Variants in ACAN observed in about 807,000 individuals in gnomAD.
ACAN encodes the protein aggrecan.
A neutral mutation model predicts 169.1 loss-of-function variants in ACAN; 47 were observed. The observed-to-expected ratio is 0.28, with a 90% CI of 0.22 to 0.35. The LOEUF is 0.35. Ranked by LOEUF, ACAN falls within the 10% of genes least tolerant of loss-of-function variation. ACAN has a pLI of 1.00. For synonymous variants in ACAN, 1,115 were observed against 1,112.2 expected (o/e 1.00, Z -0.05); for missense variants, 2,716 against 2,759.9 (o/e 0.98, Z 0.36).
At position 88,873,618 on chromosome 15, in the gene ACAN, C is replaced by A; in HGVS notation, c.7448-224C>A. On this transcript the variant is annotated intron_variant, in intron 17 of 18. Transcript: ENST00000560601. The surrounding 1 kb of genome is among the most constrained non-coding windows in gnomAD (Gnocchi z 7.5). ...CCTCCCTTTCATCTTCTCTTCATCC[C>A]TTTAAAGACCACCCCGTTTGTATTC... 1.7e-6 allele frequency: 1 copy of A among 577,366 alleles called. No homozygotes were observed. Among genetic ancestry groups the A allele is most frequent in the Non-Finnish European group, 3.1e-6 (1 of 324,920 alleles). 35.8% of individuals were successfully genotyped at this position (577,366 alleles called of 1,614,324 possible).
At chr15:88,825,346 T>A (rs529112917) in intron 1 of ACAN, among the ~76,000 whole-genome samples, 5 of 152,180 alleles carry the variant, frequency 3.3e-5, no homozygotes, top group Non-Finnish European at 4.4e-5. Flanking sequence ...TCCAAGTAAG[T>A]TGCCACAAGG....
intron 4 of ACAN, among the ~76,000 whole-genome samples, chr15:88,841,055 G>A (rs1393960848): frequency 6.6e-6 from 1 of 152,248 alleles, no homozygotes; most frequent in Non-Finnish European, 1.5e-5. Context: ...TGAGGCAGGA[G>A]AATGGCGTGA....
At chr15:88,821,595 G>C (rs755119162) in intron 1 of ACAN, among the ~76,000 whole-genome samples, 1 of 152,214 alleles carries the variant, frequency 6.6e-6, no homozygotes, top group Non-Finnish European at 1.5e-5. Context: ...GAGGAGGAAA[G>C]GCAAGAAGTG....
chr15:88,847,279 A>G lies in ACAN; in HGVS notation c.1466A>G (p.Tyr489Cys), dbSNP rs1168184102. 4.5e-6 allele frequency: 7 copies of G among 1,567,072 alleles called. No individual in the cohort carries two copies. Among genetic ancestry groups the G allele is most frequent in the African/African-American group, 1.4e-5 (1 of 73,864 alleles). The change falls in exon 8 of 19, where the codon TAC becomes TGC. Residue 489 changes from tyrosine (Y) to cysteine (C), a missense_variant. By Grantham distance (194) the Tyr-to-Cys change is radical. Transcript: ENST00000560601. Reference protein sequence around the residue: ...VFHYRPGPTRYSLTFEEAQQA... With the variant: ...VFHYRPGPTRCSLTFEEAQQA... ...CACTACCGCCCGGGACCCACCCGCT[A>G]CTCGCTGACCTTTGAGGAGGCACAG... is the stretch of plus-strand genomic sequence containing the variant.
rs1896549340 is a variant in ACAN, at chr15:88,838,003, T to A, written c.71-660T>A. On this transcript the variant is annotated intron_variant, in intron 2 of 18. Transcript: ENST00000560601. This position sits in a 1 kb window ranked among gnomAD's most constrained non-coding sequence, Gnocchi z 5.1. ...TGTTGCACCTCCTCTATTGACACTC[T>A]CCATTATATTAACATGTTTGGAGTC... Among the ~76,000 whole-genome samples, 1 of 150,882 alleles carries A rather than the reference T, an allele frequency of 6.6e-6. No individual in the cohort carries two copies. Among genetic ancestry groups the A allele is most frequent in the Non-Finnish European group, 1.5e-5 (1 of 67,824 alleles).
At chr15:88,854,174 A>G (rs1896996085) in intron 11 of ACAN, among the ~76,000 whole-genome samples, 1 of 152,236 alleles carries the variant, frequency 6.6e-6, no homozygotes, top group South Asian at 2.1e-4. Context: ...TATGTTTACA[A>G]ACATCACCAC....
Position 88,868,650 on chromosome 15 carries a change from G to A in ACAN, c.7060+321G>A, listed in dbSNP as rs1897319575. Among the ~76,000 whole-genome samples the A allele has an allele frequency of 6.6e-6, 1 of 152,218 alleles. No homozygotes were observed. Among genetic ancestry groups the A allele is most frequent in the South Asian group, 2.1e-4 (1 of 4,832 alleles). On this transcript the variant is annotated intron_variant, in intron 14 of 18. Coordinates refer to ENST00000560601, the MANE Select transcript of ACAN (RefSeq NM_001369268.1). The surrounding 1 kb of genome is among the most constrained non-coding windows in gnomAD (Gnocchi z 5.2). Reference sequence around the variant, plus strand: ...GCTGATTCTGAGCACTTGTCTTGAAGGAAGCTATGGGGTGGGAGTAATTGG... The same window carrying A: ...GCTGATTCTGAGCACTTGTCTTGAAAGAAGCTATGGGGTGGGAGTAATTGG...
At position 88,858,294 on chromosome 15, in the gene ACAN, G is replaced by C; in HGVS notation, c.5709G>C (p.Glu1903Asp). ...GTGGCCTACCAAGTGGCATAGCTGAGGTCAGTGGAGAATCCTCCAGAGCTG... is the reference window on the plus strand; with the variant it reads ...GTGGCCTACCAAGTGGCATAGCTGACGTCAGTGGAGAATCCTCCAGAGCTG... ...EFSGLPSGIA[E>D]VSGESSRAEI... Residue 1903 changes from glutamate to aspartate, a missense_variant, in exon 12 of 19, where the codon GAG becomes GAC. Transcript: ENST00000560601. The surrounding 1 kb of genome is among the most constrained non-coding windows in gnomAD (Gnocchi z 4.0). 1 of 1,613,950 alleles carries C rather than the reference G, an allele frequency of 6.2e-7. No individual in the cohort carries two copies. Among genetic ancestry groups the C allele is most frequent in the Non-Finnish European group, 8.5e-7 (1 of 1,179,894 alleles).
At chr15:88,844,160 G>A (rs1896736205) in intron 6 of ACAN, among the ~76,000 whole-genome samples, 1 of 151,948 alleles carries the variant, frequency 6.6e-6, no homozygotes, top group Non-Finnish European at 1.5e-5. Flanking sequence ...TTTGAGACAG[G>A]GTCTCACTCT....
At position 88,852,518 on chromosome 15, in the gene ACAN, A is replaced by T. The variant is rs1437730702; in HGVS notation, c.2266+485A>T. ...TCTGGGCCAGGCCTCCTCAGGCAGA[A>T]CTTCCTGAACTCTGTCACAATTAAA... On this transcript the variant is annotated intron_variant, in intron 11 of 18. Transcript: ENST00000560601. Among the ~76,000 whole-genome samples, 6 of 152,198 alleles carry T rather than the reference A, an allele frequency of 3.9e-5. No individual in the cohort carries two copies. The East Asian group carries it at 1.2e-3, about 29-fold the overall frequency.
chr15:88,828,414 C>A (rs1896279148), intron 1 of ACAN, among the ~76,000 whole-genome samples: 1 of 152,136 alleles, frequency 6.6e-6, no homozygotes, highest in African/African-American at 2.4e-5. Flanking sequence ...AGCTCCACTA[C>A]CCGAGCCTTT....
chr15:88,823,186 C>T (rs912430475), intron 1 of ACAN, among the ~76,000 whole-genome samples: 4 of 152,174 alleles, frequency 2.6e-5, no homozygotes, highest in African/African-American at 4.8e-5. Context: ...TGGCAGTCAG[C>T]GCCAAGTAAA....
In ACAN at chr15:88,872,853, C is replaced by T. The variant is rs375026080; in HGVS notation, c.7303-28C>T. 38 of 1,612,142 alleles carry T rather than the reference C, an allele frequency of 2.4e-5. No individual in the cohort carries two copies. The highest frequency in any genetic ancestry group is 2.9e-5 in the Non-Finnish European group (34 of 1,179,680). On this transcript the variant is annotated intron_variant, in intron 16 of 18. Transcript: ENST00000560601. This position sits in a 1 kb window ranked among gnomAD's most constrained non-coding sequence, Gnocchi z 5.4. The stretch of plus-strand genomic sequence containing the variant: ...CCAACCCGCACTGTCCTGCCCTCTC[C>T]TTACTCCTTCCCCACTCCCACCCAC...
Position 88,857,787 on chromosome 15 carries a change from T to C in ACAN, c.5202T>C (p.Gly1734=). The change falls in exon 12 of 19, where the codon GGT becomes GGC. Residue 1734 remains glycine, a synonymous_variant. Transcript: ENST00000560601. ...GTGGGGAAATACCTGGACTCTTTGG[T>C]GTCAGTGGACAGCCATCAGGGTTTC... The part of the protein sequence containing the change: ...DVSGEIPGLF[G]VSGQPSGFPD... 6.2e-7 allele frequency: 1 copy of C among 1,613,966 alleles called. No homozygotes were observed. The highest frequency in any genetic ancestry group is 8.5e-7 in the Non-Finnish European group (1 of 1,179,884).
At chr15:88,847,540 G>A in intron 8 of ACAN, 123 bp downstream of exon 8, 1 of 1,188,548 alleles carries the variant, frequency 8.4e-7, no homozygotes, top group African/African-American at 1.5e-5. Flanking sequence ...GAATGAATTA[G>A]TGACTCAACT....
In ACAN at chr15:88,870,723, A is replaced by C. The variant is rs1390844113; in HGVS notation, c.7061-659A>C. On this transcript the variant is annotated intron_variant, in intron 14 of 18. Transcript: ENST00000560601. This position sits in a 1 kb window ranked among gnomAD's most constrained non-coding sequence, Gnocchi z 6.3. ...CCTCCCCTCTTCCCATTCACCCCCA[A>C]AATAAAAAGCCAGGGCCCCTGGATC... Among the ~76,000 whole-genome samples the C allele has an allele frequency of 2.6e-5, 4 of 151,974 alleles. No individual in the cohort carries two copies. The highest frequency in any genetic ancestry group is 4.8e-5 in the African/African-American group (2 of 41,388).
chr15:88,857,770 A>G lies in ACAN; in HGVS notation c.5185A>G (p.Ile1729Val). 6.2e-7 allele frequency: 1 copy of G among 1,613,948 alleles called. No homozygotes were observed. The highest frequency in any genetic ancestry group is 8.5e-7 in the Non-Finnish European group (1 of 1,179,888). The change falls in exon 12 of 19, where the codon ATA (isoleucine) becomes GTA (valine). Residue 1729 changes from isoleucine to valine, a missense_variant. By Grantham distance (29) the Ile-to-Val change is conservative. This residue lies in a region of ACAN where 1,389 missense variants were observed against 1,363.7 expected (regional missense o/e 1.02). Transcript: ENST00000560601. ...TGGGTCTCCTGATGTCAGTGGGGAA[A>G]TACCTGGACTCTTTGGTGTCAGTGG... Reference protein sequence around the residue: ...ASGSPDVSGEIPGLFGVSGQP... With the variant: ...ASGSPDVSGEVPGLFGVSGQP...
chr15:88,849,517 G>T lies in ACAN; in HGVS notation c.1812G>T (p.Thr604=). The T allele has an allele frequency of 1.9e-6, 3 of 1,606,638 alleles. No individual in the cohort carries two copies. The highest frequency in any genetic ancestry group is 2.5e-6 in the Non-Finnish European group (3 of 1,176,522). The change falls in exon 10 of 19, where the codon ACG becomes ACT. Residue 604 remains threonine (T), a synonymous_variant. Transcript: ENST00000560601. This position sits in a 1 kb window ranked among gnomAD's most constrained non-coding sequence, Gnocchi z 5.1. Reference sequence around the variant, plus strand: ...AGTTCTGTGAATCTCACAATGCTACGCTGGCCACCACGGGCCAGCTCTACG... The same window carrying T: ...AGTTCTGTGAATCTCACAATGCTACTCTGGCCACCACGGGCCAGCTCTACG... The part of the protein sequence containing the change: ...ALEFCESHNA[T]LATTGQLYAA...
chr15:88,822,681 G>A (rs1896107008), intron 1 of ACAN, among the ~76,000 whole-genome samples: 2 of 152,056 alleles, frequency 1.3e-5, no homozygotes, highest in Non-Finnish European at 1.5e-5. Context: ...TGATCTGCCC[G>A]CCTCAGCCTC....
Sources: allele counts gnomAD v4.1 joint callset (sites outside exome capture counted in the v4.1 genomes callset), GRCh38; gene constraint gnomAD v4.1.1; regional missense constraint gnomAD v4.1.1; non-coding constraint Gnocchi (gnomAD v3.1); transcripts MANE v1.5; gene names NCBI Gene and HGNC (gene_info 2026-07-23, HGNC 2026-07-21).